Variants in SAMD8 observed in about 807,000 individuals in gnomAD.
The protein encoded by SAMD8 is sterile alpha motif domain containing 8, also known as sphingomyelin synthase-related protein 1.
A neutral mutation model predicts 42.0 loss-of-function variants in SAMD8; 20 were observed. The observed-to-expected ratio is 0.48, with a 90% confidence interval of 0.34 to 0.69. SAMD8 has a LOEUF of 0.69. Ranked by LOEUF, SAMD8 falls within the 30% of genes least tolerant of loss-of-function variation. The probability of loss-of-function intolerance (pLI) is 0.01; values close to 1 mark genes in which losing one functional copy is unlikely to be tolerated. For missense variants in SAMD8, 328 were observed against 511.6 expected (o/e 0.64, Z 3.46); for synonymous variants, 162 against 173.0 (o/e 0.94, Z 0.50).
chr10:75,118,378 C>G (rs1050128009), intron 1 of SAMD8, among the ~76,000 whole-genome samples: 2 of 152,250 alleles, frequency 1.3e-5, no homozygotes, highest in African/African-American at 4.8e-5. Flanking sequence ...GGCACAGTGG[C>G]TTGCGCCTGT....
At position 75,177,739 on chromosome 10, in the gene SAMD8, G is replaced by A. The variant is rs1401762006; in HGVS notation, c.*1047G>A. 6 of 152,052 alleles carry A rather than the reference G, an allele frequency of 3.9e-5. No individual in the cohort carries two copies. Among genetic ancestry groups the A allele is most frequent in the South Asian group, 4.2e-4 (2 of 4,814 alleles). The allele number at this position is 152,052 out of a possible 1,614,324, so 9.4% of individuals were successfully genotyped here. A position where few individuals can be genotyped will look rare whatever the true frequency, so the allele number is the denominator to read the frequency against. On this transcript the variant is annotated 3_prime_UTR_variant, in exon 6 of 6. Transcript: ENST00000542569. Reference sequence around the variant, plus strand: ...ACATACTTGGATATGAAAAAGTTTCGTTGTTTTTTACTTTTAAATATAATG... The same window carrying A: ...ACATACTTGGATATGAAAAAGTTTCATTGTTTTTTACTTTTAAATATAATG...
intron 3 of SAMD8, among the ~76,000 whole-genome samples, chr10:75,165,251 C>T (rs187256917): frequency 6.1e-4 from 93 of 152,146 alleles, no homozygotes; most frequent in African/African-American, 2.2e-3. Context: ...GATAAGAAAG[C>T]CTTTTCTTTC....
At chr10:75,123,640 A>G (rs979760490) in intron 1 of SAMD8, among the ~76,000 whole-genome samples, 3 of 152,152 alleles carry the variant, frequency 2.0e-5, no homozygotes, top group South Asian at 4.1e-4. Context: ...GTTATTGTCT[A>G]AAAGTCTTAC....
At position 75,176,211 on chromosome 10, in the gene SAMD8, C is replaced by T; in HGVS notation, c.938C>T (p.Thr313Ile). The change falls in exon 5 of 6, where the codon ACC becomes ATC. Residue 313 changes from threonine (T) to isoleucine (I), a missense_variant. Thr to Ile is a moderately conservative substitution (Grantham distance 89, BLOSUM62 -1). Around this residue, in one of 2 missense-constraint regions of SAMD8, gnomAD observed 178 missense variants for 325.6 expected, o/e 0.55. Coordinates refer to ENST00000542569, the MANE Select transcript of SAMD8 (RefSeq NM_001174156.2). The surrounding 1 kb of genome is among the most constrained non-coding windows in gnomAD (Gnocchi z 4.3). ...VVLTMLNFFV[T>I]EYTPRSWNFL... ...CTAACTATGCTGAATTTCTTTGTCA[C>T]CGAATGTAAGTATCTTTTTAGTGCT... The T allele has an allele frequency of 6.2e-7, 1 of 1,614,164 alleles. No individual in the cohort carries two copies. The highest frequency in any genetic ancestry group is 8.5e-7 in the Non-Finnish European group (1 of 1,180,032).
At chr10:75,138,332 G>C (rs1429936588) in intron 1 of SAMD8, among the ~76,000 whole-genome samples, 1 of 152,174 alleles carries the variant, frequency 6.6e-6, no homozygotes, top group African/African-American at 2.4e-5. Flanking sequence ...ATTTCCAGTA[G>C]TATTGAGAAT....
chr10:75,115,338 A>G (rs1848851840), intron 1 of SAMD8, among the ~76,000 whole-genome samples: 1 of 152,214 alleles, frequency 6.6e-6, no homozygotes, highest in African/African-American at 2.4e-5. Context: ...AGTGATGCTT[A>G]CTTTAGGTCT....
intron 1 of SAMD8, among the ~76,000 whole-genome samples, chr10:75,148,640 A>G (rs1261226871): frequency 6.6e-6 from 1 of 152,186 alleles, no homozygotes; most frequent in Non-Finnish European, 1.5e-5. Context: ...GGCGTGAGCC[A>G]CCGCGCCCGG....
At chr10:75,114,840 C>T (rs1848841598) in intron 1 of SAMD8, among the ~76,000 whole-genome samples, 1 of 152,084 alleles carries the variant, frequency 6.6e-6, no homozygotes, top group Admixed American at 6.6e-5. Context: ...AGATTGAATT[C>T]ACTTTTTAAT....
At chr10:75,123,843 C>G (rs1047967750) in intron 1 of SAMD8, among the ~76,000 whole-genome samples, 15 of 151,732 alleles carry the variant, frequency 9.9e-5, no homozygotes, top group African/African-American at 3.6e-4. Flanking sequence ...AGAGTAGCTA[C>G]TCAGCCTCAG....
At position 75,177,925 on chromosome 10, in the gene SAMD8, C is replaced by T. The variant is rs1235199136; in HGVS notation, c.*1233C>T. 1.3e-5 allele frequency: 2 copies of T among 152,094 alleles called. No homozygotes were observed. Among genetic ancestry groups the T allele is most frequent in the African/African-American group, 4.8e-5 (2 of 41,408 alleles). 9.4% of individuals were successfully genotyped at this position (152,094 alleles called of 1,614,324 possible). ...AATGATTTTTTTACAGTAGTTATGA[C>T]AGTAGGATGGTTATGGAATTGGAAT... On this transcript the variant is annotated 3_prime_UTR_variant, in exon 6 of 6. Coordinates refer to ENST00000542569, the MANE Select transcript of SAMD8 (RefSeq NM_001174156.2).
At chr10:75,113,607 G>A (rs1318509748) in intron 1 of SAMD8, among the ~76,000 whole-genome samples, 3 of 152,146 alleles carry the variant, frequency 2.0e-5, no homozygotes, top group African/African-American at 4.8e-5. Context: ...ATTTGCAACA[G>A]CTTTTAAATT....
At chr10:75,145,214 G>A (rs1294427419) in intron 1 of SAMD8, among the ~76,000 whole-genome samples, 3 of 152,076 alleles carry the variant, frequency 2.0e-5, no homozygotes, top group Non-Finnish European at 4.4e-5. Context: ...CAAAGTGCAG[G>A]GATTACAGGC....
chr10:75,133,399 T>C (rs1293341509), intron 1 of SAMD8, among the ~76,000 whole-genome samples: 1 of 152,080 alleles, frequency 6.6e-6, no homozygotes, highest in Non-Finnish European at 1.5e-5. Flanking sequence ...TGAGACCCTG[T>C]CTCAAAAAAT....
intron 1 of SAMD8, among the ~76,000 whole-genome samples, chr10:75,127,063 C>G (rs1030760847): frequency 1.3e-5 from 2 of 151,894 alleles, no homozygotes; most frequent in African/African-American, 4.8e-5. Flanking sequence ...GCGGCTTGTG[C>G]CTGTAGTCCC....
upstream of SAMD8, among the ~76,000 whole-genome samples, chr10:75,109,794 A>G (rs1848719679): frequency 6.6e-6 from 1 of 150,536 alleles, no homozygotes. Flanking sequence ...CACAAGATTC[A>G]TGGGGGGAGG....
In SAMD8 at chr10:75,180,728, T is replaced by C. The variant is rs1422980343; in HGVS notation, c.*4036T>C. 1 of 152,220 alleles carries C rather than the reference T, an allele frequency of 6.6e-6. No homozygotes were observed. Among genetic ancestry groups the C allele is most frequent in the Non-Finnish European group, 1.5e-5 (1 of 68,044 alleles). 9.4% of individuals were successfully genotyped at this position (152,220 alleles called of 1,614,324 possible). On this transcript the variant is annotated 3_prime_UTR_variant, in exon 6 of 6. Transcript: ENST00000542569. ...TGCCCTGTCTCTGCCTGTGTGTTTTTACTAAGAATTCCAGAAATCCTGTAA... is the reference window on the plus strand; with the variant it reads ...TGCCCTGTCTCTGCCTGTGTGTTTTCACTAAGAATTCCAGAAATCCTGTAA...
upstream of SAMD8, among the ~76,000 whole-genome samples, chr10:75,110,285 C>T (rs548947702): frequency 1.3e-5 from 2 of 152,302 alleles, no homozygotes; most frequent in South Asian, 4.1e-4. Flanking sequence ...GAGGGAGATT[C>T]CTCTGCCTAT....
intron 1 of SAMD8, among the ~76,000 whole-genome samples, chr10:75,116,989 T>G (rs1848897677): frequency 6.6e-6 from 1 of 151,998 alleles, no homozygotes; most frequent in Admixed American, 6.6e-5. Context: ...TTTTGTGTTT[T>G]TAGTAGAGAC....
At chr10:75,117,908 T>C (rs867594636) in intron 1 of SAMD8, among the ~76,000 whole-genome samples, 12 of 152,198 alleles carry the variant, frequency 7.9e-5, no homozygotes, top group African/African-American at 2.9e-4. Context: ...TTGGTATAAC[T>C]GAGAATATAA....
Sources: gnomAD v4.1 joint callset for allele counts (sites outside exome capture counted in the v4.1 genomes callset) on GRCh38, gnomAD v4.1.1 for gene constraint, gnomAD v4.1.1 regional missense constraint, Gnocchi (gnomAD v3.1) non-coding constraint, MANE v1.5 for transcripts, NCBI Gene and HGNC (gene_info 2026-07-23, HGNC 2026-07-21) for gene names.